The following ADAMTS20 variants were observed in gnomAD, a reference collection of about 807,000 sequenced individuals.
The protein encoded by ADAMTS20 is ADAM metallopeptidase with thrombospondin type 1 motif 20.
A neutral mutation model predicts 260.1 loss-of-function variants in ADAMTS20; 225 were observed. The observed-to-expected ratio is 0.87, with a 90% CI of 0.78 to 0.97. The LOEUF (loss-of-function observed/expected upper bound fraction) is 0.97. Ranked by LOEUF, ADAMTS20 falls within the 50% of genes least tolerant of loss-of-function variation. The pLI, the probability that ADAMTS20 is intolerant of heterozygous loss-of-function variation, is 0.00. For synonymous variants in ADAMTS20, 802 were observed against 769.5 expected, an observed-to-expected ratio of 1.04 and a Z score of -0.70; for missense variants, 2,400 against 2,337.7, an observed-to-expected ratio of 1.03 and a Z score of -0.55.
chr12:43,471,118 A>G (rs1245232722), intron 7 of ADAMTS20, among the ~76,000 whole-genome samples: 1 of 152,130 alleles, frequency 6.6e-6, no homozygotes, highest in African/African-American at 2.4e-5. Context: ...GGCGCAGGCC[A>G]GTGGGTGCAC....
At chr12:43,537,746 A>G (rs1198273816) in intron 2 of ADAMTS20, among the ~76,000 whole-genome samples, 1 of 151,922 alleles carries the variant, frequency 6.6e-6, no homozygotes, top group East Asian at 1.9e-4. Flanking sequence ...TGGGTTTTAG[A>G]TCCTACAAAT....
At chr12:43,366,490 C>T (rs967174140) in intron 37 of ADAMTS20, among the ~76,000 whole-genome samples, 3 of 151,710 alleles carry the variant, frequency 2.0e-5, no homozygotes, top group Admixed American at 6.6e-5. Context: ...GAACACTTCA[C>T]CCAACAACAA....
chr12:43,519,014 G>T (rs1365594816), intron 3 of ADAMTS20, among the ~76,000 whole-genome samples: 2 of 151,842 alleles, frequency 1.3e-5, no homozygotes, highest in Admixed American at 6.6e-5. Context: ...CCTCCTAATT[G>T]ATTTTCTTGC....
chr12:43,508,763 T>C (rs1489726872), intron 3 of ADAMTS20, among the ~76,000 whole-genome samples: 1 of 152,152 alleles, frequency 6.6e-6, no homozygotes, highest in East Asian at 1.9e-4. Flanking sequence ...TTGCAAATAA[T>C]CCAATTATAC....
intron 2 of ADAMTS20, among the ~76,000 whole-genome samples, chr12:43,532,802 G>C (rs1327478112): frequency 3.2e-4 from 16 of 49,708 alleles, no homozygotes; most frequent in Non-Finnish European, 5.6e-4. Context: ...AGAATATGCG[G>C]TGTTTGGTTT....
rs768030175 is a variant in ADAMTS20 at position 43,354,297 on chromosome 12, T to C, written c.5645A>G (p.Asp1882Gly). 1 of 1,579,442 alleles carries C rather than the reference T, an allele frequency of 6.3e-7. No individual in the cohort carries two copies. Among genetic ancestry groups the C allele is most frequent in the Non-Finnish European group, 8.6e-7 (1 of 1,160,338 alleles). ...ACATTTGCCGAAAAATCTAGTTCCATCCTGAAAATCGGAAGAAGAAATACA... is the reference window on the plus strand; with the variant it reads ...ACATTTGCCGAAAAATCTAGTTCCACCCTGAAAATCGGAAGAAGAAATACA... The part of the protein sequence containing the change: ...YTSVSIRRSE[D>G]GTRFFGKCGG... Residue 1882 changes from aspartate to glycine, a missense_variant and splice_region_variant, in exon 39 of 39, where the codon GAT (aspartate) becomes GGT (glycine). Physicochemically the swap from Asp to Gly is moderately conservative, Grantham distance 94. Transcript: ENST00000389420.
At chr12:43,546,867 A>G (rs982016926) in intron 2 of ADAMTS20, among the ~76,000 whole-genome samples, 2 of 152,176 alleles carry the variant, frequency 1.3e-5, no homozygotes, top group African/African-American at 2.4e-5. Flanking sequence ...AAATACTTAC[A>G]CTTATGGAAA....
intron 3 of ADAMTS20, among the ~76,000 whole-genome samples, chr12:43,531,727 A>C (rs991669610): frequency 3.9e-5 from 6 of 152,126 alleles, no homozygotes; most frequent in Non-Finnish European, 8.8e-5. Context: ...GACTATAGTT[A>C]ATAACAATGC....
chr12:43,436,876 G>A (rs983136939), intron 18 of ADAMTS20, among the ~76,000 whole-genome samples: 5 of 152,060 alleles, frequency 3.3e-5, no homozygotes, highest in African/African-American at 1.2e-4. Context: ...TTTAACTCAA[G>A]AAAAAAGATC....
At chr12:43,549,274 T>C (rs1203940314) in intron 2 of ADAMTS20, among the ~76,000 whole-genome samples, 1 of 151,818 alleles carries the variant, frequency 6.6e-6, no homozygotes, top group Non-Finnish European at 1.5e-5. Flanking sequence ...TTTTTAGATA[T>C]GTTAATAAAA....
chr12:43,390,758 T>G (rs752822082), intron 29 of ADAMTS20, among the ~76,000 whole-genome samples: 5 of 152,212 alleles, frequency 3.3e-5, no homozygotes, highest in Non-Finnish European at 7.3e-5. Context: ...TGCAACTACT[T>G]AGGTATTCTC....
intron 7 of ADAMTS20, among the ~76,000 whole-genome samples, chr12:43,489,262 G>T (rs1592094661): frequency 6.6e-6 from 1 of 151,874 alleles, no homozygotes. Flanking sequence ...AAAAGAATAG[G>T]TTTATAAATT....
At chr12:43,519,530 C>G (rs1173411822) in intron 3 of ADAMTS20, among the ~76,000 whole-genome samples, 1 of 152,102 alleles carries the variant, frequency 6.6e-6, no homozygotes, top group East Asian at 1.9e-4. Flanking sequence ...GGAACAAGAA[C>G]AGGAGTCTCC....
chr12:43,382,005 G>C (rs1339889705), intron 31 of ADAMTS20, among the ~76,000 whole-genome samples: 2 of 152,054 alleles, frequency 1.3e-5, no homozygotes, highest in Non-Finnish European at 2.9e-5. Context: ...TGATGATATG[G>C]AGAGAGAAAT....
Position 43,440,010 on chromosome 12 carries a change from T to C in ADAMTS20, c.2350A>G (p.Lys784Glu), listed in dbSNP as rs1025659718. The part of the protein sequence containing the change: ...FNGNFLLSTS[K>E]KEINVQGTRT... ...GTTCCTTGCACATTGATTTCTTTTT[T>C]TGACGTACTTAGAAGAAAATTTCCA... The change falls in exon 17 of 39, where the codon AAA (lysine) becomes GAA (glutamate). Residue 784 changes from lysine (K) to glutamate (E), a missense_variant. Transcript: ENST00000389420. 3.2e-6 allele frequency: 5 copies of C among 1,576,612 alleles called. No individual in the cohort carries two copies. The highest frequency in any genetic ancestry group is 2.7e-5 in the African/African-American group (2 of 74,358).
At chr12:43,428,576 AT>A in intron 25 of ADAMTS20, 45 bp from the exon 26 acceptor site, 1 of 1,492,566 alleles carries the variant, frequency 6.7e-7, no homozygotes, top group Non-Finnish European at 8.9e-7. Flanking sequence ...ATTAATTTAT[AT>A]TTAATATCAA....
intron 15 of ADAMTS20, 70 bp from the exon 16 acceptor site, chr12:43,443,953 G>T: frequency 1.6e-6 from 2 of 1,255,686 alleles, no homozygotes; most frequent in African/African-American, 1.5e-5. Flanking sequence ...ACTGCTGAAT[G>T]GATGAAAAAT....
In ADAMTS20 at chr12:43,409,559, G is replaced by A. The variant is rs368832904; in HGVS notation, c.4285-10326C>T. ...GGAGCTTGCAGTGAGCCGAGATCCC[G>A]CCACTGCACTCCAGCCTGGGCGACA... On this transcript the variant is annotated intron_variant, in intron 28 of 38. Coordinates refer to ENST00000389420, the MANE Select transcript of ADAMTS20 (RefSeq NM_025003.5). Among the ~76,000 whole-genome samples the A allele has an allele frequency of 2.3e-4, 27 of 115,680 alleles. No homozygotes were observed. The East Asian group carries it at 5.9e-3, about 25-fold the overall frequency. The allele number at this position is 115,680 out of a possible 152,430, so 75.9% of individuals were successfully genotyped here.
chr12:43,456,249 T>C (rs1941962143), intron 11 of ADAMTS20, among the ~76,000 whole-genome samples: 2 of 152,194 alleles, frequency 1.3e-5, no homozygotes, highest in Non-Finnish European at 2.9e-5. Context: ...CTACAGATAA[T>C]TTGCAAAGTG....
Sources: allele counts gnomAD v4.1 joint callset (sites outside exome capture counted in the v4.1 genomes callset), GRCh38; gene constraint gnomAD v4.1.1; transcripts MANE v1.5; gene names NCBI Gene and HGNC (gene_info 2026-07-23, HGNC 2026-07-21).